The following KIF6 variants were observed in gnomAD, a reference collection of about 807,000 sequenced individuals.
The protein encoded by KIF6 is kinesin family member 6, also known as kinesin-like protein KIF6.
Under a neutral mutation model 112.7 loss-of-function variants are expected in KIF6, and 106 were observed. That is an observed-to-expected ratio of 0.94 (90% CI 0.80 to 1.11). KIF6 has a LOEUF of 1.11. Ranked by LOEUF, KIF6 falls within the 50% of genes least tolerant of loss-of-function variation. The pLI is 0.00. For missense variants in KIF6, 929 were observed against 964.0 expected, an observed-to-expected ratio of 0.96 and a Z score of 0.48; for synonymous variants, 339 against 339.9, an observed-to-expected ratio of 1.00 and a Z score of 0.03.
chr6:39,486,006 T>C (rs564975909), intron 13 of KIF6, among the ~76,000 whole-genome samples: 1 of 152,304 alleles, frequency 6.6e-6, no homozygotes, highest in South Asian at 2.1e-4. Context: ...GGGATTCGAA[T>C]TCAGACAGTC....
At chr6:39,565,084 A>G (rs112513187) in intron 10 of KIF6, among the ~76,000 whole-genome samples, 2 of 151,926 alleles carry the variant, frequency 1.3e-5, no homozygotes, top group African/African-American at 4.8e-5. Context: ...GTCTAATTCT[A>G]GATTTGGTGG....
At chr6:39,386,289 A>G (rs573576808) in intron 15 of KIF6, among the ~76,000 whole-genome samples, 1 of 152,314 alleles carries the variant, frequency 6.6e-6, no homozygotes, top group East Asian at 1.9e-4. Context: ...TACTCTTCAT[A>G]AGGAACATTT....
intron 13 of KIF6, among the ~76,000 whole-genome samples, chr6:39,489,362 C>T (rs1028070881): frequency 9.9e-5 from 15 of 152,216 alleles, no homozygotes; most frequent in Admixed American, 9.2e-4. Context: ...AGCTGGTCAT[C>T]GCAATAGACT....
chr6:39,344,250 T>G (rs911741249), intron 21 of KIF6, among the ~76,000 whole-genome samples: 1 of 152,228 alleles, frequency 6.6e-6, no homozygotes, highest in Non-Finnish European at 1.5e-5. Flanking sequence ...GCTGCCACCA[T>G]GTAAGACGTG....
chr6:39,604,848 T>C (rs930691682), intron 6 of KIF6, among the ~76,000 whole-genome samples: 9 of 152,092 alleles, frequency 5.9e-5, no homozygotes, highest in African/African-American at 2.2e-4. Context: ...TCCTCAAAGA[T>C]CTATTGGCCG....
At chr6:39,509,504 A>G (rs1776639231) in intron 13 of KIF6, among the ~76,000 whole-genome samples, 1 of 152,218 alleles carries the variant, frequency 6.6e-6, no homozygotes, top group African/African-American at 2.4e-5. Context: ...ACAAATGGCT[A>G]ACTAGAATAG....
intron 13 of KIF6, among the ~76,000 whole-genome samples, chr6:39,500,143 C>T (rs187566858): frequency 3.3e-5 from 5 of 152,200 alleles, no homozygotes; most frequent in Admixed American, 1.3e-4. Context: ...GAAGTATAAA[C>T]GTTAATGTGT....
intron 13 of KIF6, among the ~76,000 whole-genome samples, chr6:39,468,185 A>AT (rs1307626643): frequency 6.6e-6 from 1 of 152,072 alleles, no homozygotes; most frequent in Non-Finnish European, 1.5e-5. Context: ...GAAAAAAAAA[A>AT]GAATAAAGCA....
intron 13 of KIF6, among the ~76,000 whole-genome samples, chr6:39,442,187 T>C (rs1299065326): frequency 2.0e-5 from 3 of 152,138 alleles, no homozygotes; most frequent in African/African-American, 7.2e-5. Flanking sequence ...TTTGTCTTGG[T>C]AACTGCATCT....
chr6:39,563,424 A>G (rs932197543), intron 10 of KIF6, among the ~76,000 whole-genome samples: 5 of 152,210 alleles, frequency 3.3e-5, no homozygotes, highest in African/African-American at 1.2e-4. Context: ...TGAGATCAGA[A>G]TATTTTATAA....
At chr6:39,713,677 C>A (rs905713717) in intron 3 of KIF6, among the ~76,000 whole-genome samples, 1 of 152,168 alleles carries the variant, frequency 6.6e-6, no homozygotes, top group Non-Finnish European at 1.5e-5. Flanking sequence ...AAATGTTTGA[C>A]ATCTAATCAA....
intron 6 of KIF6, among the ~76,000 whole-genome samples, chr6:39,603,830 C>T (rs1470852704): frequency 1.3e-5 from 2 of 152,100 alleles, no homozygotes; most frequent in Non-Finnish European, 2.9e-5. Flanking sequence ...TAGGGTACCA[C>T]TTACTTATTT....
At chr6:39,443,001 CTA>C (rs1772023148) in intron 13 of KIF6, among the ~76,000 whole-genome samples, 1 of 151,708 alleles carries the variant, frequency 6.6e-6, no homozygotes. Context: ...GTAGTCCCAG[CTA>C]CTGGGGAGGC....
chr6:39,379,578 A>T (rs1766746213), intron 16 of KIF6, among the ~76,000 whole-genome samples: 1 of 152,234 alleles, frequency 6.6e-6, no homozygotes, highest in African/African-American at 2.4e-5. Flanking sequence ...TTTTGGGAGA[A>T]GGGGTCAGGG....
chr6:39,482,726 A>G (rs1307369261), intron 13 of KIF6, among the ~76,000 whole-genome samples: 1 of 152,156 alleles, frequency 6.6e-6, no homozygotes, highest in Non-Finnish European at 1.5e-5. Flanking sequence ...CCTCCCATCC[A>G]TTGGTAAGGG....
chr6:39,391,289 G>A (rs9380857), intron 15 of KIF6, among the ~76,000 whole-genome samples: 13,816 of 152,190 alleles, frequency 0.091, 1,073 homozygotes, highest in East Asian at 0.21. Flanking sequence ...AGCGCCATGC[G>A]GAACAGGGTA....
chr6:39,454,681 A>G (rs1378605180), intron 13 of KIF6, among the ~76,000 whole-genome samples: 1 of 152,216 alleles, frequency 6.6e-6, no homozygotes, highest in East Asian at 1.9e-4. Context: ...CGCGAGCCGA[A>G]GCAGGGCGAG....
chr6:39,519,327 C>T (rs1030787439), intron 13 of KIF6, among the ~76,000 whole-genome samples: 8 of 152,076 alleles, frequency 5.3e-5, no homozygotes, highest in African/African-American at 1.7e-4. Flanking sequence ...GGAACATATC[C>T]ACAAGACATA....
intron 13 of KIF6, among the ~76,000 whole-genome samples, chr6:39,495,227 T>C (rs894297871): frequency 3.9e-5 from 6 of 152,186 alleles, no homozygotes; most frequent in Non-Finnish European, 8.8e-5. Context: ...CCGTCTGAGC[T>C]CTGTGTGCCA....
Sources: allele counts gnomAD v4.1 joint callset (sites outside exome capture counted in the v4.1 genomes callset), GRCh38; gene constraint gnomAD v4.1.1; transcripts MANE v1.5; gene names NCBI Gene and HGNC (gene_info 2026-07-23, HGNC 2026-07-21).